Variants in PDZD8 observed in about 807,000 individuals in gnomAD.
PDZD8 encodes PDZ domain containing 8, also known as PDZ domain-containing protein 8.
In PDZD8, 14 loss-of-function variants were observed where a neutral mutation model predicts 85.8. That is an observed-to-expected ratio of 0.16 (90% CI 0.11 to 0.26). The LOEUF (loss-of-function observed/expected upper bound fraction) is 0.26. Among genes scored for constraint, PDZD8 ranks in the 10% least tolerant of loss-of-function variants. The probability of loss-of-function intolerance (pLI) is 1.00; values close to 1 mark genes in which losing one functional copy is unlikely to be tolerated. For synonymous variants in PDZD8, 592 were observed against 568.6 expected, an observed-to-expected ratio of 1.04 and a Z score of -0.59; for missense variants, 1,197 against 1,424.3, an observed-to-expected ratio of 0.84 and a Z score of 2.57.
In PDZD8 at chr10:117,373,119, A is replaced by T. The variant is rs113676833; in HGVS notation, c.872+1237T>A. 3.9e-3 allele frequency among the ~76,000 whole-genome samples: 587 copies of T among 152,286 alleles called. 4 individuals are homozygous for T. Among genetic ancestry groups the T allele is most frequent in the African/African-American group, 0.013 (556 of 41,570 alleles). On this transcript the variant is annotated intron_variant, in intron 1 of 4. Coordinates refer to ENST00000334464, the MANE Select transcript of PDZD8 (RefSeq NM_173791.5). ...AAATTCAGCTTTTTACAAAAGAAAAAGCACCTTCCACTCCACCTCTAGCCC... is the reference window on the plus strand; with the variant it reads ...AAATTCAGCTTTTTACAAAAGAAAATGCACCTTCCACTCCACCTCTAGCCC...
chr10:117,301,121 TG>T (rs1843839795), intron 3 of PDZD8, among the ~76,000 whole-genome samples: 1 of 152,108 alleles, frequency 6.6e-6, no homozygotes, highest in African/African-American at 2.4e-5. Flanking sequence ...TCAGAGTAGC[TG>T]GGATTACAGG....
intron 1 of PDZD8, among the ~76,000 whole-genome samples, chr10:117,345,117 G>A (rs533606079): frequency 2.7e-4 from 41 of 152,334 alleles, no homozygotes; most frequent in African/African-American, 9.4e-4. Context: ...GGGAAAAGAA[G>A]AGGGAGAGGC....
chr10:117,315,587 CAAAAAAAAAAAAA>C (rs35866840), intron 3 of PDZD8, among the ~76,000 whole-genome samples: 466 of 42,118 alleles, frequency 0.011, 7 homozygotes, highest in African/African-American at 0.036. Context: ...TAGACTCTCT[CAAAAAAAAAAAAA>C]AAAAAAAAAA....
chr10:117,352,176 A>G (rs1844817118), intron 1 of PDZD8, among the ~76,000 whole-genome samples: 1 of 152,160 alleles, frequency 6.6e-6, no homozygotes, highest in Non-Finnish European at 1.5e-5. Flanking sequence ...TGACATCTCC[A>G]TCACATGGCA....
In PDZD8 at chr10:117,335,962, G is replaced by A. The variant is rs111776784; in HGVS notation, c.995+5018C>T. Among the ~76,000 whole-genome samples the A allele has an allele frequency of 3.6e-3, 551 of 152,304 alleles. 3 individuals carry two copies. Among genetic ancestry groups the A allele is most frequent in the African/African-American group, 0.013 (521 of 41,558 alleles). On this transcript the variant is annotated intron_variant, in intron 2 of 4. Coordinates refer to ENST00000334464, the MANE Select transcript of PDZD8 (RefSeq NM_173791.5). ...GGAACAATTCCATAAGGATGAACTA[G>A]AGTTGGAGGTACAGGTTTGCACATT...
At chr10:117,291,968 T>C (rs1204333107) in intron 3 of PDZD8, among the ~76,000 whole-genome samples, 1 of 152,140 alleles carries the variant, frequency 6.6e-6, no homozygotes. Flanking sequence ...CCAGTCCACA[T>C]TTCTTAAGTC....
intron 1 of PDZD8, among the ~76,000 whole-genome samples, chr10:117,371,466 TGAACCACTGC>T (rs2133896020): frequency 6.6e-6 from 1 of 152,270 alleles, no homozygotes; most frequent in Non-Finnish European, 1.5e-5. Flanking sequence ...ATCACAGGCG[TGAACCACTGC>T]ACCTGGCCCA....
Position 117,279,619 on chromosome 10 carries a change from G to A in PDZD8, c.*3649C>T, listed in dbSNP as rs1484014011. The stretch of plus-strand genomic sequence containing the variant: ...CACAATTTATTTTAAATTGAGATAT[G>A]TAACTAGCCACATTCAATGTGGAAA... On this transcript the variant is annotated 3_prime_UTR_variant, in exon 5 of 5. Coordinates refer to ENST00000334464, the MANE Select transcript of PDZD8 (RefSeq NM_173791.5). 1 of 152,144 alleles carries A rather than the reference G, an allele frequency of 6.6e-6. No homozygotes were observed. The allele number at this position is 152,144 out of a possible 1,614,324, so 9.4% of individuals were successfully genotyped here.
chr10:117,301,275 C>T lies in PDZD8; in HGVS notation c.1099-10927G>A, dbSNP rs554315334. ...CTGGGATTACAGGTATGAGCCACTGCGCCTGGCCAAAAAATCATCATTTTT... is the reference window on the plus strand; with the variant it reads ...CTGGGATTACAGGTATGAGCCACTGTGCCTGGCCAAAAAATCATCATTTTT... On this transcript the variant is annotated intron_variant, in intron 3 of 4. Transcript: ENST00000334464. Among the ~76,000 whole-genome samples, 182 of 152,208 alleles carry T rather than the reference C, an allele frequency of 1.2e-3. 1 individual carries two copies. Among genetic ancestry groups the T allele is most frequent in the Non-Finnish European group, 1.7e-3 (117 of 68,018 alleles).
At chr10:117,354,722 T>A (rs17628018) in intron 1 of PDZD8, among the ~76,000 whole-genome samples, 130 of 152,330 alleles carry the variant, frequency 8.5e-4, no homozygotes, top group Non-Finnish European at 1.6e-3. Flanking sequence ...AAGTCCTATA[T>A]GGTTTATGCT....
At chr10:117,316,327 ATTC>A (rs914976972) in intron 3 of PDZD8, among the ~76,000 whole-genome samples, 6 of 152,158 alleles carry the variant, frequency 3.9e-5, no homozygotes, top group African/African-American at 1.4e-4. Flanking sequence ...TTGCTAAATT[ATTC>A]TTTGCAATTT....
chr10:117,279,678 T>C lies in PDZD8; in HGVS notation c.*3590A>G, dbSNP rs1035365952. Reference sequence around the variant, plus strand: ...GAAGTTATCCTTCCATCTATAAACATTGTTGTCCTGATGGTTGTCAACAAA... The same window carrying C: ...GAAGTTATCCTTCCATCTATAAACACTGTTGTCCTGATGGTTGTCAACAAA... On this transcript the variant is annotated 3_prime_UTR_variant, in exon 5 of 5. Transcript: ENST00000334464. The C allele has an allele frequency of 2.6e-5, 4 of 152,200 alleles. No homozygotes were observed. The highest frequency in any genetic ancestry group is 7.2e-5 in the African/African-American group (3 of 41,440). 9.4% of individuals were successfully genotyped at this position (152,200 alleles called of 1,614,324 possible). A position where few individuals can be genotyped will look rare whatever the true frequency, so the allele number is the denominator to read the frequency against.
intron 3 of PDZD8, among the ~76,000 whole-genome samples, chr10:117,316,558 C>G (rs957185098): frequency 4.6e-5 from 7 of 152,126 alleles, no homozygotes; most frequent in African/African-American, 1.7e-4. Context: ...TGGTGCACAC[C>G]TGTAGTCCCA....
At chr10:117,373,652 C>A (rs151071488) in intron 1 of PDZD8, among the ~76,000 whole-genome samples, 1 of 148,892 alleles carries the variant, frequency 6.7e-6, no homozygotes, top group Non-Finnish European at 1.5e-5. Context: ...TGGTGCCATA[C>A]GCCTGTAACC....
chr10:117,280,177 T>G lies in PDZD8; in HGVS notation c.*3091A>C, dbSNP rs1844558032. 1 of 152,158 alleles carries G rather than the reference T, an allele frequency of 6.6e-6. No homozygotes were observed. The highest frequency in any genetic ancestry group is 1.5e-5 in the Non-Finnish European group (1 of 68,020). The allele number at this position is 152,158 out of a possible 1,614,324, so 9.4% of individuals were successfully genotyped here. On this transcript the variant is annotated 3_prime_UTR_variant, in exon 5 of 5. Coordinates refer to ENST00000334464, the MANE Select transcript of PDZD8 (RefSeq NM_173791.5). Reference sequence around the variant, plus strand: ...GAATATAAGGCTTGATATGAAGAAGTATAGCCTATTATGATTGCTAATAAT... The same window carrying G: ...GAATATAAGGCTTGATATGAAGAAGGATAGCCTATTATGATTGCTAATAAT...
intron 3 of PDZD8, among the ~76,000 whole-genome samples, chr10:117,291,085 G>A (rs1436213434): frequency 7.5e-6 from 1 of 134,132 alleles, no homozygotes; most frequent in African/African-American, 2.8e-5. Context: ...TGTTGCCCAG[G>A]CTGGTCTCAA....
chr10:117,305,184 G>A (rs1220628527), intron 3 of PDZD8, among the ~76,000 whole-genome samples: 2 of 152,062 alleles, frequency 1.3e-5, no homozygotes, highest in Non-Finnish European at 2.9e-5. Flanking sequence ...AGGCTGAGGT[G>A]GGCAGATCAC....
intron 1 of PDZD8, among the ~76,000 whole-genome samples, chr10:117,356,228 G>A (rs1844892658): frequency 1.3e-5 from 2 of 151,794 alleles, no homozygotes; most frequent in Admixed American, 6.6e-5. Flanking sequence ...ATCTAAAATT[G>A]CCTAATATTT....
chr10:117,319,569 G>A (rs1268573930), intron 2 of PDZD8, among the ~76,000 whole-genome samples: 2 of 151,992 alleles, frequency 1.3e-5, no homozygotes, highest in Non-Finnish European at 2.9e-5. Context: ...ATGCACACAA[G>A]GCATTTAGCA....
Sources: allele counts gnomAD v4.1 joint callset (sites outside exome capture counted in the v4.1 genomes callset), GRCh38; gene constraint gnomAD v4.1.1; transcripts MANE v1.5; gene names NCBI Gene and HGNC (gene_info 2026-07-23, HGNC 2026-07-21).